Variants in CIDEA observed in about 807,000 individuals in gnomAD.
CIDEA encodes lipid transferase CIDEA.
Under a neutral mutation model 18.2 loss-of-function variants are expected in CIDEA, and 10 were observed. That is an observed-to-expected ratio of 0.55 (90% CI 0.34 to 0.93). The LOEUF (loss-of-function observed/expected upper bound fraction) is 0.93, where lower values mean the gene tolerates loss of function less well. Ranked by LOEUF, CIDEA falls within the 40% of genes least tolerant of loss-of-function variation. The pLI, the probability that CIDEA is intolerant of heterozygous loss-of-function variation, is 0.02. For synonymous variants in CIDEA, 128 were observed against 124.8 expected (o/e 1.03, Z -0.17); for missense variants, 309 against 293.1 (o/e 1.05, Z -0.40).
chr18:12,259,671 A>G (rs576350340), intron 1 of CIDEA, among the ~76,000 whole-genome samples: 31 of 152,276 alleles, frequency 2.0e-4, no homozygotes, highest in Non-Finnish European at 4.0e-4. Flanking sequence ...ACAAGCCTGA[A>G]CAACATGGTG....
At chr18:12,262,748 G>C in intron 1 of CIDEA, 77 bp from the exon 2 acceptor site, 3 of 1,323,140 alleles carry the variant, frequency 2.3e-6, no homozygotes, top group Middle Eastern at 1.9e-4. Flanking sequence ...TATTAAAAAT[G>C]CATTATTTTT....
chr18:12,274,038 G>A, intron 3 of CIDEA, 55 bp from the exon 4 acceptor site: 7 of 1,583,850 alleles, frequency 4.4e-6, no homozygotes, highest in Non-Finnish European at 6.0e-6. Context: ...GCAGAGTGAT[G>A]ACGTGGGAGG....
chr18:12,273,534 A>C (rs1476118733), intron 3 of CIDEA, among the ~76,000 whole-genome samples: 5 of 152,122 alleles, frequency 3.3e-5, no homozygotes, highest in Non-Finnish European at 5.9e-5. Flanking sequence ...GTTCTGCTGC[A>C]TGGCTTTGGG....
At chr18:12,263,999 G>A (rs2144068932) in intron 2 of CIDEA, 1 of 224,690 alleles carries the variant, frequency 4.5e-6, no homozygotes, top group South Asian at 1.8e-4. Flanking sequence ...CTACTCCGGA[G>A]GCTGTGGCAG....
chr18:12,276,701 G>A (rs144144556), intron 4 of CIDEA, among the ~76,000 whole-genome samples: 5 of 152,294 alleles, frequency 3.3e-5, no homozygotes, highest in African/African-American at 1.2e-4. Context: ...ACTACCTTAG[G>A]AAGGGAAGGG....
At chr18:12,261,754 A>AT (rs975168942) in intron 1 of CIDEA, among the ~76,000 whole-genome samples, 3 of 151,184 alleles carry the variant, frequency 2.0e-5, no homozygotes, top group African/African-American at 4.9e-5. Flanking sequence ...TTTTATTTTT[A>AT]TTTTTTTGTA....
intron 3 of CIDEA, among the ~76,000 whole-genome samples, chr18:12,269,973 C>T (rs1268783013): frequency 6.6e-6 from 1 of 152,164 alleles, no homozygotes; most frequent in African/African-American, 2.4e-5. Flanking sequence ...GTTGGGATTA[C>T]GGGCATAAGC....
intron 1 of CIDEA, among the ~76,000 whole-genome samples, chr18:12,261,889 G>A (rs1912203238): frequency 6.6e-6 from 1 of 151,112 alleles, no homozygotes; most frequent in East Asian, 2.0e-4. Flanking sequence ...AGCAGGTTTT[G>A]CATTTCTTAA....
intron 1 of CIDEA, among the ~76,000 whole-genome samples, chr18:12,260,485 C>T (rs1439551120): frequency 2.0e-5 from 3 of 152,148 alleles, no homozygotes; most frequent in Non-Finnish European, 2.9e-5. Context: ...TGCACCCAGC[C>T]AACTATCGGT....
intron 1 of CIDEA, among the ~76,000 whole-genome samples, chr18:12,258,373 C>T (rs1319723524): frequency 2.0e-5 from 3 of 152,206 alleles, no homozygotes; most frequent in South Asian, 2.1e-4. Context: ...GCCAGGGCTG[C>T]GCCTTTGACC....
intron 3 of CIDEA, among the ~76,000 whole-genome samples, chr18:12,268,369 C>T (rs1390683812): frequency 1.2e-4 from 18 of 145,350 alleles, no homozygotes; most frequent in Admixed American, 4.8e-4. Context: ...CATGAGCCAC[C>T]GCCCCCAGTG....
At position 12,274,105 on chromosome 18, in the gene CIDEA, G is replaced by C. The variant is rs11545881; in HGVS notation, c.343G>C (p.Val115Leu). Residue 115 changes from valine (V) to leucine (L), a missense_variant, in exon 4 of 5, where the codon GTC becomes CTC. Physicochemically the swap from Val to Leu is conservative, Grantham distance 32. Coordinates refer to ENST00000320477, the MANE Select transcript of CIDEA (RefSeq NM_001279.4). ...CCCATTGTCACAGGGCAGCCAGCACGTCCCCACTTGCTCGCCGCCGAAGAG... is the reference window on the plus strand; with the variant it reads ...CCCATTGTCACAGGGCAGCCAGCACCTCCCCACTTGCTCGCCGCCGAAGAG... ...GQKWMPGSQH[V>L]PTCSPPKRSG... 6.2e-7 allele frequency: 1 copy of C among 1,613,862 alleles called. No homozygotes were observed. The highest frequency in any genetic ancestry group is 8.5e-7 in the Non-Finnish European group (1 of 1,179,896).
At chr18:12,272,145 TGTGTGG>T (rs1353136813) in intron 3 of CIDEA, among the ~76,000 whole-genome samples, 8 of 2,532 alleles carry the variant, frequency 3.2e-3, no homozygotes, top group African/African-American at 4.3e-3. Context: ...TTTGAGTGTG[TGTGTGG>T]GGGGGGGGGG....
rs75315911 is a variant in CIDEA at position 12,277,287 on chromosome 18, C to T, written c.*17C>T. Reference sequence around the variant, plus strand: ...TGTGGATAGGGATGCAGGCTGTCGCCGGCTCTTGAGCCAAACACTGTGTTT... The same window carrying T: ...TGTGGATAGGGATGCAGGCTGTCGCTGGCTCTTGAGCCAAACACTGTGTTT... On this transcript the variant is annotated 3_prime_UTR_variant, in exon 5 of 5. Transcript: ENST00000320477. The T allele has an allele frequency of 2.8e-3, 4,579 of 1,613,852 alleles. 122 individuals are homozygous for T. In the African/African-American group the frequency reaches 0.054, roughly 19 times the overall value.
rs979513907 is a variant in CIDEA, at chr18:12,269,099, C to T, written c.330+4646C>T. ...TCCCAAAGTGCTGGAGTTGCAGGCACGAGCCACCACGACCAGCCACCAGGT... is the reference window on the plus strand; with the variant it reads ...TCCCAAAGTGCTGGAGTTGCAGGCATGAGCCACCACGACCAGCCACCAGGT... On this transcript the variant is annotated intron_variant, in intron 3 of 4. Coordinates refer to ENST00000320477, the MANE Select transcript of CIDEA (RefSeq NM_001279.4). Among the ~76,000 whole-genome samples the T allele has an allele frequency of 2.5e-3, 386 of 152,184 alleles. 8 individuals carry two copies. The highest frequency in any genetic ancestry group is 3.7e-4 in the Non-Finnish European group (25 of 67,998).
chr18:12,273,920 G>A (rs989374004), intron 3 of CIDEA, among the ~76,000 whole-genome samples, 173 bp from the exon 4 acceptor site: 2 of 152,202 alleles, frequency 1.3e-5, no homozygotes, highest in Non-Finnish European at 2.9e-5. Flanking sequence ...GGACACAGTC[G>A]TAGTGTGTGC....
intron 2 of CIDEA, 123 bp downstream of exon 2, chr18:12,263,092 G>C (rs966240420): frequency 3.2e-6 from 3 of 936,062 alleles, no homozygotes; most frequent in Non-Finnish European, 4.6e-6. Flanking sequence ...CATCTCACTG[G>C]GGGGAAACGG....
intron 1 of CIDEA, among the ~76,000 whole-genome samples, chr18:12,256,649 T>C (rs1477153246): frequency 6.6e-6 from 1 of 152,232 alleles, no homozygotes; most frequent in Non-Finnish European, 1.5e-5. Flanking sequence ...ATGGCTGCTT[T>C]CATAGCTATC....
intron 3 of CIDEA, among the ~76,000 whole-genome samples, chr18:12,265,081 A>G (rs1912313617): frequency 6.6e-6 from 1 of 152,186 alleles, no homozygotes; most frequent in South Asian, 2.1e-4. Context: ...TGTTCTTAGA[A>G]GGCTGGAGAA....
Sources: allele counts gnomAD v4.1 joint callset (sites outside exome capture counted in the v4.1 genomes callset), GRCh38; gene constraint gnomAD v4.1.1; transcripts MANE v1.5; gene names NCBI Gene and HGNC (gene_info 2026-07-23, HGNC 2026-07-21).